TNFSF9: variants seen among roughly 807,000 people sequenced by gnomAD.
The protein encoded by TNFSF9 is TNF superfamily member 9, also known as tumor necrosis factor ligand superfamily member 9.
Under a neutral mutation model 10.3 loss-of-function variants are expected in TNFSF9, and 10 were observed. The observed-to-expected ratio is 0.97, with a 90% CI of 0.60 to 1.65. The LOEUF is 1.65. Among genes scored for constraint, TNFSF9 ranks in the 40% most tolerant of loss-of-function variants. The probability of loss-of-function intolerance (pLI) is 0.00; values close to 1 mark genes in which losing one functional copy is unlikely to be tolerated. For synonymous variants in TNFSF9, 195 were observed against 176.1 expected (o/e 1.11, Z -0.85); for missense variants, 361 against 348.9 (o/e 1.03, Z -0.28).
rs1024300150 is a variant in TNFSF9 at position 6,531,230 on chromosome 19, C to T, written c.194C>T (p.Ala65Val). 1 of 1,533,156 alleles carries T rather than the reference C, an allele frequency of 6.5e-7. No individual in the cohort carries two copies. Among genetic ancestry groups the T allele is most frequent in the South Asian group, 1.2e-5 (1 of 81,658 alleles). 95.0% of individuals were successfully genotyped at this position (1,533,156 alleles called of 1,614,324 possible). ...GGGGCTCGCGCCTCGCCCGGCTCCGCGGCCAGCCCGAGACTCCGCGAGGGT... is the reference window on the plus strand; with the variant it reads ...GGGGCTCGCGCCTCGCCCGGCTCCGTGGCCAGCCCGAGACTCCGCGAGGGT... The part of the protein sequence containing the change: ...VSGARASPGS[A>V]ASPRLREGPE... Residue 65 changes from alanine (A) to valine (V), a missense_variant, in exon 1 of 3, where the codon GCG (alanine) becomes GTG (valine). Coordinates refer to ENST00000245817, the MANE Select transcript of TNFSF9 (RefSeq NM_003811.4).
At chr19:6,531,879 C>T (rs1313951753) in intron 1 of TNFSF9, among the ~76,000 whole-genome samples, 1 of 152,166 alleles carries the variant, frequency 6.6e-6, no homozygotes, top group Non-Finnish European at 1.5e-5. Context: ...CTCTTCATTC[C>T]GCATTCCCAA....
intron 1 of TNFSF9, among the ~76,000 whole-genome samples, chr19:6,532,030 A>G (rs1915156330): frequency 6.6e-6 from 1 of 151,874 alleles, no homozygotes; most frequent in South Asian, 2.1e-4. Context: ...CTCTGGGGGG[A>G]ACCTTTTTTC....
rs370796379 is a variant in TNFSF9 at position 6,532,855 on chromosome 19, C to G, written c.298+39C>G. ...GCCACTTCCGGTCCCTGGCCCCCCA[C>G]CATCCCCACCCCGGGATACGAAGAA... On this transcript the variant is annotated intron_variant, in intron 2 of 2. Transcript: ENST00000245817. The G allele has an allele frequency of 3.7e-6, 6 of 1,613,286 alleles. No homozygotes were observed. In the African/African-American group the frequency reaches 8.0e-5, roughly 22 times the overall value.
intron 1 of TNFSF9, among the ~76,000 whole-genome samples, 185 bp downstream of exon 1, chr19:6,531,488 C>T (rs1160716751): frequency 6.6e-6 from 1 of 151,994 alleles, no homozygotes; most frequent in African/African-American, 2.4e-5. Context: ...CCTTTCATCC[C>T]GCACCCCTAC....
At position 6,535,021 on chromosome 19, in the gene TNFSF9, G is replaced by A. The variant is rs1915238777; in HGVS notation, c.720G>A (p.Val240=). The change falls in exon 3 of 3, where the codon GTG becomes GTA. Residue 240 remains valine (V), a synonymous_variant. Transcript: ENST00000245817. Reference sequence around the variant, plus strand: ...CCACAGTCTTGGGACTCTTCCGGGTGACCCCCGAAATCCCAGCCGGACTCC... The same window carrying A: ...CCACAGTCTTGGGACTCTTCCGGGTAACCCCCGAAATCCCAGCCGGACTCC... ...QGATVLGLFR[V]TPEIPAGLPS... The A allele has an allele frequency of 1.3e-6, 2 of 1,589,198 alleles. No individual in the cohort carries two copies. Among genetic ancestry groups the A allele is most frequent in the South Asian group, 2.3e-5 (2 of 88,816 alleles).
chr19:6,531,405 A>G (rs1239253830), intron 1 of TNFSF9, 102 bp downstream of exon 1: 5 of 1,351,026 alleles, frequency 3.7e-6, no homozygotes, highest in East Asian at 3.1e-5. Context: ...CACCTGTTCT[A>G]CACTCCCGGC....
chr19:6,532,324 CGT>C (rs1248284517), intron 1 of TNFSF9, among the ~76,000 whole-genome samples: 4 of 113,046 alleles, frequency 3.5e-5, no homozygotes, highest in Admixed American at 8.4e-5. Flanking sequence ...TGTTTGTGTT[CGT>C]GTGTGTGTGT....
chr19:6,531,410 C>A (rs1915143984), intron 1 of TNFSF9, 107 bp downstream of exon 1: 2 of 1,346,122 alleles, frequency 1.5e-6, no homozygotes, highest in Non-Finnish European at 1.9e-6. Context: ...GTTCTACACT[C>A]CCGGCCGGGG....
intron 2 of TNFSF9, among the ~76,000 whole-genome samples, chr19:6,534,179 C>T (rs1483731868): frequency 2.0e-5 from 3 of 150,104 alleles, no homozygotes; most frequent in Non-Finnish European, 4.4e-5. Context: ...CTCTTCCAGC[C>T]AGACTCGCCT....
At position 6,535,025 on chromosome 19, in the gene TNFSF9, C is replaced by T. The variant is rs781257306; in HGVS notation, c.724C>T (p.Pro242Ser). The change falls in exon 3 of 3, where the codon CCC becomes TCC. Residue 242 changes from proline to serine, a missense_variant. Transcript: ENST00000245817. ...ATVLGLFRVT[P>S]EIPAGLPSPR... ...AGTCTTGGGACTCTTCCGGGTGACCCCCGAAATCCCAGCCGGACTCCCTTC... is the reference window on the plus strand; with the variant it reads ...AGTCTTGGGACTCTTCCGGGTGACCTCCGAAATCCCAGCCGGACTCCCTTC... 5 of 1,586,156 alleles carry T rather than the reference C, an allele frequency of 3.2e-6. No homozygotes were observed. In the South Asian group the frequency reaches 4.5e-5, roughly 14 times the overall value.
Position 6,531,046 on chromosome 19 carries a change from G to C in TNFSF9, c.10G>C (p.Ala4Pro). 2 of 1,609,586 alleles carry C rather than the reference G, an allele frequency of 1.2e-6. No homozygotes were observed. Among genetic ancestry groups the C allele is most frequent in the East Asian group, 4.5e-5 (2 of 44,454 alleles). The change falls in exon 1 of 3, where the codon GCC (alanine) becomes CCC (proline). Residue 4 changes from alanine to proline, a missense_variant. Physicochemically the swap from Ala to Pro is conservative, Grantham distance 27 (BLOSUM62 -1). Coordinates refer to ENST00000245817, the MANE Select transcript of TNFSF9 (RefSeq NM_003811.4). ...CCCGCAGTCTCTCGTCATGGAATAC[G>C]CCTCTGACGCTTCACTGGACCCCGA... is the stretch of plus-strand genomic sequence containing the variant. MEY[A>P]SDASLDPEAP...
intron 1 of TNFSF9, 141 bp downstream of exon 1, chr19:6,531,444 A>C (rs1191592660): frequency 3.3e-6 from 4 of 1,222,812 alleles, no homozygotes; most frequent in Non-Finnish European, 4.3e-6. Context: ...CGGGGCTCCC[A>C]TTCTCCATCT....
In TNFSF9 at chr19:6,531,043, T is replaced by C. The variant is rs1012903087; in HGVS notation, c.7T>C (p.Tyr3His). The C allele has an allele frequency of 7.5e-6, 12 of 1,609,228 alleles. No individual in the cohort carries two copies. Among genetic ancestry groups the C allele is most frequent in the South Asian group, 1.1e-5 (1 of 90,998 alleles). ...CTTCCCGCAGTCTCTCGTCATGGAA[T>C]ACGCCTCTGACGCTTCACTGGACCC... ME[Y>H]ASDASLDPEA... The change falls in exon 1 of 3, where the codon TAC (tyrosine) becomes CAC (histidine). Residue 3 changes from tyrosine (Y) to histidine (H), a missense_variant. Physicochemically the swap from Tyr to His is moderately conservative, Grantham distance 83 (BLOSUM62 2). Transcript: ENST00000245817.
Position 6,535,575 on chromosome 19 carries a change from A to G in TNFSF9, c.*509A>G, listed in dbSNP as rs910719023. 6.6e-6 allele frequency: 1 copy of G among 152,146 alleles called. No homozygotes were observed. Among genetic ancestry groups the G allele is most frequent in the Non-Finnish European group, 1.5e-5 (1 of 68,044 alleles). 9.4% of individuals were successfully genotyped at this position (152,146 alleles called of 1,614,324 possible). ...AACATCTAGAAATAGACTGAAAGAA[A>G]ATCTGAGTTATGGTAATACGTGAGG... On this transcript the variant is annotated 3_prime_UTR_variant, in exon 3 of 3. Coordinates refer to ENST00000245817, the MANE Select transcript of TNFSF9 (RefSeq NM_003811.4).
chr19:6,531,169 T>C lies in TNFSF9; in HGVS notation c.133T>C (p.Cys45Arg). The change falls in exon 1 of 3, where the codon TGC becomes CGC. Residue 45 changes from cysteine to arginine, a missense_variant. Cys to Arg is a radical substitution (Grantham distance 180, BLOSUM62 -3). Coordinates refer to ENST00000245817, the MANE Select transcript of TNFSF9 (RefSeq NM_003811.4). Reference protein sequence around the residue: ...LLLLLLLAAACAVFLACPWAV... With the variant: ...LLLLLLLAAARAVFLACPWAV... Reference sequence around the variant, plus strand: ...GCTGCTGCTGCTGCTCGCTGCCGCCTGCGCCGTCTTCCTCGCCTGCCCCTG... The same window carrying C: ...GCTGCTGCTGCTGCTCGCTGCCGCCCGCGCCGTCTTCCTCGCCTGCCCCTG... 4 of 1,593,662 alleles carry C rather than the reference T, an allele frequency of 2.5e-6. No individual in the cohort carries two copies. Among genetic ancestry groups the C allele is most frequent in the Non-Finnish European group, 3.4e-6 (4 of 1,170,446 alleles).
In TNFSF9 at chr19:6,535,806, C is replaced by G. The variant is rs1026766131; in HGVS notation, c.*740C>G. On this transcript the variant is annotated 3_prime_UTR_variant, in exon 3 of 3. Coordinates refer to ENST00000245817, the MANE Select transcript of TNFSF9 (RefSeq NM_003811.4). The stretch of plus-strand genomic sequence containing the variant: ...TCAGCCTCTCGAGTAGCTGGGACCA[C>G]AGTTGTGTGCCACCACACTTGGCTA... The G allele has an allele frequency of 2.6e-5, 4 of 152,218 alleles. No homozygotes were observed. Among genetic ancestry groups the G allele is most frequent in the South Asian group, 2.1e-4 (1 of 4,836 alleles). 9.4% of individuals were successfully genotyped at this position (152,218 alleles called of 1,614,324 possible).
At chr19:6,534,450 CTGT>C in intron 2 of TNFSF9, 147 bp from the exon 3 acceptor site, 1 of 636,176 alleles carries the variant, frequency 1.6e-6, no homozygotes, top group Non-Finnish European at 2.6e-6. Context: ...CTCTGCTCCC[CTGT>C]CCCGCTCCCT....
Position 6,535,132 on chromosome 19 carries a change from C to CT in TNFSF9, c.*67dup, listed in dbSNP as rs1915241335. 2 of 1,426,210 alleles carry CT rather than the reference C, an allele frequency of 1.4e-6. No homozygotes were observed. The allele number at this position is 1,426,210 out of a possible 1,614,324, so 88.3% of individuals were successfully genotyped here. A position where few individuals can be genotyped will look rare whatever the true frequency, so the allele number is the denominator to read the frequency against. Reference sequence around the variant, plus strand: ...CCTACTCCATCCTTCATGGAGACCCCTGGTGCTGGGTCCCTGCTGCTTTCT... The same window carrying CT: ...CCTACTCCATCCTTCATGGAGACCCCTTGGTGCTGGGTCCCTGCTGCTTTCT... On this transcript the variant is annotated 3_prime_UTR_variant, in exon 3 of 3. Coordinates refer to ENST00000245817, the MANE Select transcript of TNFSF9 (RefSeq NM_003811.4).
At position 6,534,609 on chromosome 19, in the gene TNFSF9, T is replaced by A. The variant is rs531878264; in HGVS notation, c.308T>A (p.Ile103Asn). ...AQLVAQNVLL[I>N]DGPLSWYSDP... ...TGCTTTCCTCCCACAGTTCTGCTGA[T>A]CGATGGGCCCCTGAGCTGGTACAGT... Residue 103 changes from isoleucine to asparagine, a missense_variant, in exon 3 of 3, where the codon ATC becomes AAC. By Grantham distance (149) the Ile-to-Asn change is moderately radical. Coordinates refer to ENST00000245817, the MANE Select transcript of TNFSF9 (RefSeq NM_003811.4). 621 of 1,570,294 alleles carry A rather than the reference T, an allele frequency of 4.0e-4. 4 individuals are homozygous for A. In the African/African-American group the frequency reaches 7.7e-3, roughly 19 times the overall value.
Sources: allele counts gnomAD v4.1 joint callset (sites outside exome capture counted in the v4.1 genomes callset), GRCh38; gene constraint gnomAD v4.1.1; transcripts MANE v1.5; gene names NCBI Gene and HGNC (gene_info 2026-07-23, HGNC 2026-07-21).